KLHL41: variants seen among roughly 807,000 people sequenced by gnomAD.
KLHL41 encodes kelch-like protein 41.
KLHL41 carries 31 observed loss-of-function variants against 49.2 expected under a neutral mutation model. The ratio of observed to expected loss-of-function variants is 0.63; its 90% CI spans 0.47 to 0.85. The LOEUF is 0.85. Ranked by LOEUF, KLHL41 falls within the 40% of genes least tolerant of loss-of-function variation. The pLI is 0.00. For synonymous variants in KLHL41, 218 were observed against 258.5 expected, an observed-to-expected ratio of 0.84 and a Z score of 1.50; for missense variants, 663 against 726.7, an observed-to-expected ratio of 0.91 and a Z score of 1.01.
chr2:169,516,587 G>C (rs1214175044), intron 3 of KLHL41, among the ~76,000 whole-genome samples: 1 of 152,168 alleles, frequency 6.6e-6, no homozygotes, highest in East Asian at 1.9e-4. Context: ...AGCAGCATTA[G>C]TAACTAGGAA....
intron 3 of KLHL41, among the ~76,000 whole-genome samples, 193 bp downstream of exon 3, chr2:169,515,154 CT>C (rs1684096950): frequency 6.6e-6 from 1 of 151,884 alleles, no homozygotes; most frequent in Non-Finnish European, 1.5e-5. Context: ...CTGTCTCAGC[CT>C]CCTGAGTAGC....
Position 169,509,855 on chromosome 2 carries a change from T to A in KLHL41, c.77T>A (p.Leu26His). The A allele has an allele frequency of 6.2e-7, 1 of 1,614,118 alleles. No individual in the cohort carries two copies. Among genetic ancestry groups the A allele is most frequent in the Non-Finnish European group, 8.5e-7 (1 of 1,180,024 alleles). The change falls in exon 1 of 6, where the codon CTC becomes CAC. Residue 26 changes from leucine to histidine, a missense_variant. Physicochemically the swap from Leu to His is moderately conservative, Grantham distance 99. This residue lies in a region of KLHL41 where 129 missense variants were observed against 122.1 expected (regional missense o/e 1.06). Transcript: ENST00000284669. ...CTTCTTCAGGATGGTCTAAAAGATC[T>A]CCTGGATGAGAAAAAATTCATCGAT... ...STLLQDGLKD[L>H]LDEKKFIDCT...
Position 169,509,727 on chromosome 2 carries a change from G to A in KLHL41, c.-52G>A, listed in dbSNP as rs909848963. On this transcript the variant is annotated 5_prime_UTR_variant, in exon 1 of 6. Coordinates refer to ENST00000284669, the MANE Select transcript of KLHL41 (RefSeq NM_006063.3). ...CTTTTTACAGCTAGACCTGTGTGCTGCAAGGAGCTAAGGCCTTCAGTGTCC... is the reference window on the plus strand; with the variant it reads ...CTTTTTACAGCTAGACCTGTGTGCTACAAGGAGCTAAGGCCTTCAGTGTCC... The A allele has an allele frequency of 6.5e-6, 10 of 1,545,864 alleles. No homozygotes were observed. The highest frequency in any genetic ancestry group is 8.7e-6 in the Non-Finnish European group (10 of 1,151,570).
In KLHL41 at chr2:169,514,641, T is replaced by C. The variant is rs750960424; in HGVS notation, c.1178T>C (p.Leu393Pro). Reference protein sequence around the residue: ...PLPSARCLFGLGEVDDKIYVV... With the variant: ...PLPSARCLFGPGEVDDKIYVV... ...CCTTCAGCCAGGTGTCTCTTCGGTCTGGGAGAGGTGGATGATAAAATCTAT... is the reference window on the plus strand; with the variant it reads ...CCTTCAGCCAGGTGTCTCTTCGGTCCGGGAGAGGTGGATGATAAAATCTAT... The change falls in exon 2 of 6, where the codon CTG (leucine) becomes CCG (proline). Residue 393 changes from leucine (L) to proline (P), a missense_variant. Leu to Pro is a moderately conservative substitution (Grantham distance 98). This residue lies in a region of KLHL41 where 528 missense variants were observed against 581.0 expected (regional missense o/e 0.91). Transcript: ENST00000284669. The C allele has an allele frequency of 8.1e-6, 13 of 1,613,932 alleles. No homozygotes were observed. The South Asian group carries it at 1.2e-4, about 15-fold the overall frequency.
At chr2:169,515,667 A>T (rs981202051) in intron 3 of KLHL41, among the ~76,000 whole-genome samples, 1 of 152,242 alleles carries the variant, frequency 6.6e-6, no homozygotes, top group East Asian at 1.9e-4. Context: ...ACAACTGTGC[A>T]TAAAAAATAT....
intron 4 of KLHL41, among the ~76,000 whole-genome samples, 156 bp from the exon 5 acceptor site, chr2:169,520,705 A>G (rs1684189896): frequency 6.6e-6 from 1 of 152,256 alleles, no homozygotes; most frequent in Non-Finnish European, 1.5e-5. Flanking sequence ...TACCCGTCTC[A>G]GCCTCCCAAA....
chr2:169,520,294 GTGTGTGTGTGTGTGTGTA>G lies in KLHL41; in HGVS notation c.1563-549_1563-532del, dbSNP rs1163330102. 3.5e-4 allele frequency among the ~76,000 whole-genome samples: 43 copies of G among 124,336 alleles called. 2 individuals carry two copies. The Middle Eastern group carries it at 0.012, about 36-fold the overall frequency. The allele number at this position is 124,336 out of a possible 152,430, so 81.6% of individuals were successfully genotyped here. On this transcript the variant is annotated intron_variant, in intron 4 of 5. Transcript: ENST00000284669. Reference sequence around the variant, plus strand: ...TGCCTCAGTGTGTGTGTGTGTGTGTGTGTGTGTGTGTGTGTGTATGTGTGTGTGTGTGTGTGGAGGCAG... The same window carrying G: ...TGCCTCAGTGTGTGTGTGTGTGTGTGTGTGTGTGTGTGTGTGTGGAGGCAG...
chr2:169,512,181 C>T (rs746124012), intron 1 of KLHL41, among the ~76,000 whole-genome samples: 1 of 152,124 alleles, frequency 6.6e-6, no homozygotes, highest in Non-Finnish European at 1.5e-5. Context: ...TGTGATAATA[C>T]ATATTAATCA....
At position 169,510,573 on chromosome 2, in the gene KLHL41, A is replaced by G. The variant is rs1559129545; in HGVS notation, c.795A>G (p.Glu265=). 1.9e-6 allele frequency: 3 copies of G among 1,614,084 alleles called. No homozygotes were observed. Among genetic ancestry groups the G allele is most frequent in the East Asian group, 2.2e-5 (1 of 44,904 alleles). ...LKDAFAGKLP[E]PSKNAAKTGA... ...ATGCTTTCGCAGGCAAACTCCCAGA[A>G]CCTAGCAAAAATGCCGCGAAGACTG... Residue 265 remains glutamate, a synonymous_variant, in exon 1 of 6, where the codon GAA becomes GAG. Transcript: ENST00000284669. This position sits in a 1 kb window ranked among gnomAD's most constrained non-coding sequence, Gnocchi z 4.2.
In KLHL41 at chr2:169,509,712, C is replaced by T; in HGVS notation, c.-67C>T. 6.7e-7 allele frequency: 1 copy of T among 1,492,938 alleles called. No homozygotes were observed. The highest frequency in any genetic ancestry group is 2.3e-5 in the East Asian group (1 of 44,276). The allele number at this position is 1,492,938 out of a possible 1,614,324, so 92.5% of individuals were successfully genotyped here. ...AGCACACTGATCTGCCTTTTTACAG[C>T]TAGACCTGTGTGCTGCAAGGAGCTA... On this transcript the variant is annotated 5_prime_UTR_variant, in exon 1 of 6. Coordinates refer to ENST00000284669, the MANE Select transcript of KLHL41 (RefSeq NM_006063.3).
In KLHL41 at chr2:169,514,280, A is replaced by G. The variant is rs189420684; in HGVS notation, c.1111-294A>G. Reference sequence around the variant, plus strand: ...GCTGAACAAGGCAATATGGGAGAAAATTTGACAAGAAACCTCACAGTTGTA... The same window carrying G: ...GCTGAACAAGGCAATATGGGAGAAAGTTTGACAAGAAACCTCACAGTTGTA... On this transcript the variant is annotated intron_variant, in intron 1 of 5. Coordinates refer to ENST00000284669, the MANE Select transcript of KLHL41 (RefSeq NM_006063.3). 384 of 253,612 alleles carry G rather than the reference A, an allele frequency of 1.5e-3. 6 individuals carry two copies. The highest frequency in any genetic ancestry group is 5.9e-4 in the Non-Finnish European group (79 of 133,858). 15.7% of individuals were successfully genotyped at this position (253,612 alleles called of 1,614,324 possible). A position where few individuals can be genotyped will look rare whatever the true frequency, so the allele number is the denominator to read the frequency against.
At chr2:169,518,049 T>A in intron 3 of KLHL41, 141 bp from the exon 4 acceptor site, 1 of 612,372 alleles carries the variant, frequency 1.6e-6, no homozygotes, top group East Asian at 2.8e-5. Context: ...GTCCTTTGTT[T>A]AGTGGCATAT....
At chr2:169,512,409 G>A (rs1354984176) in intron 1 of KLHL41, among the ~76,000 whole-genome samples, 2 of 152,086 alleles carry the variant, frequency 1.3e-5, no homozygotes, top group African/African-American at 4.8e-5. Context: ...ACAGATCCAC[G>A]GAATAGTTGT....
intron 5 of KLHL41, among the ~76,000 whole-genome samples, chr2:169,524,650 G>A (rs933958296): frequency 6.6e-5 from 10 of 151,758 alleles, no homozygotes; most frequent in African/African-American, 2.4e-4. Context: ...TGCCCCCCTC[G>A]GCCTCCCAAA....
chr2:169,516,897 T>C (rs894324918), intron 3 of KLHL41, among the ~76,000 whole-genome samples: 2 of 152,150 alleles, frequency 1.3e-5, no homozygotes, highest in South Asian at 2.1e-4. Flanking sequence ...GCCGTTTGCC[T>C]GTAATCCCAG....
chr2:169,524,476 C>A (rs1684266672), intron 5 of KLHL41, among the ~76,000 whole-genome samples: 1 of 142,462 alleles, frequency 7.0e-6, no homozygotes, highest in Non-Finnish European at 1.5e-5. Context: ...TGACTCACTG[C>A]AACCTCCGCC....
chr2:169,513,497 A>C (rs1462968004), intron 1 of KLHL41, among the ~76,000 whole-genome samples: 1 of 152,234 alleles, frequency 6.6e-6, no homozygotes, highest in Non-Finnish European at 1.5e-5. Context: ...AAATTAGTGA[A>C]TGCAAAGCTA....
At chr2:169,517,130 G>A (rs1684129786) in intron 3 of KLHL41, among the ~76,000 whole-genome samples, 1 of 152,140 alleles carries the variant, frequency 6.6e-6, no homozygotes, top group Non-Finnish European at 1.5e-5. Flanking sequence ...GATACCAATA[G>A]TCAAATATTA....
chr2:169,518,416 T>C (rs1389985851), intron 4 of KLHL41, 41 bp downstream of exon 4: 1 of 1,391,690 alleles, frequency 7.2e-7, no homozygotes, highest in Admixed American at 2.0e-5. Context: ...TGAACAACTA[T>C]ACATTTTAAT....
Sources: allele counts gnomAD v4.1 joint callset (sites outside exome capture counted in the v4.1 genomes callset), GRCh38; gene constraint gnomAD v4.1.1; regional missense constraint gnomAD v4.1.1; non-coding constraint Gnocchi (gnomAD v3.1); transcripts MANE v1.5; gene names NCBI Gene and HGNC (gene_info 2026-07-23, HGNC 2026-07-21).